Variants in HSF1 observed in about 807,000 individuals in gnomAD.
HSF1 encodes heat shock factor protein 1.
Under a neutral mutation model 51.7 loss-of-function variants are expected in HSF1, and 32 were observed. The ratio of observed to expected loss-of-function variants is 0.62; its 90% CI spans 0.47 to 0.83. The LOEUF (loss-of-function observed/expected upper bound fraction) is 0.83. Among genes scored for constraint, HSF1 ranks in the 40% least tolerant of loss-of-function variants. HSF1 has a pLI of 0.00. For synonymous variants in HSF1, 396 were observed against 309.7 expected, an observed-to-expected ratio of 1.28 and a Z score of -2.92; for missense variants, 727 against 717.0, an observed-to-expected ratio of 1.01 and a Z score of -0.16.
intron 3 of HSF1, 44 bp downstream of exon 3, chr8:144,309,635 G>A (rs781995574): frequency 6.2e-7 from 1 of 1,607,660 alleles, no homozygotes. Flanking sequence ...ACCTGCCACA[G>A]CTCTCCCCGC....
chr8:144,309,639 T>TCC, intron 3 of HSF1, 48 bp downstream of exon 3: 37 of 1,561,956 alleles, frequency 2.4e-5, no homozygotes, highest in Non-Finnish European at 3.1e-5. Flanking sequence ...GCCACAGCTC[T>TCC]CCCCGCCCGC....
chr8:144,309,900 G>A lies in HSF1; in HGVS notation c.488+4G>A. On this transcript the variant is annotated splice_donor_region_variant and intron_variant, in intron 4 of 12. Coordinates refer to ENST00000528838, the MANE Select transcript of HSF1 (RefSeq NM_005526.4). ...CCAAGCTCCTGGCCATGAAGCAGTA[G>A]GTCCCACACCAGCATTATGGGCCAC... 1 of 1,613,268 alleles carries A rather than the reference G, an allele frequency of 6.2e-7. No homozygotes were observed. Among genetic ancestry groups the A allele is most frequent in the Non-Finnish European group, 8.5e-7 (1 of 1,179,726 alleles).
At chr8:144,308,003 C>T (rs1162227671) in intron 1 of HSF1, among the ~76,000 whole-genome samples, 1 of 152,228 alleles carries the variant, frequency 6.6e-6, no homozygotes, top group African/African-American at 2.4e-5. Context: ...TATTTCACAT[C>T]TCTCTATGCT....
Position 144,312,185 on chromosome 8 carries a change from T to TGCCCCCCCCCCCCCCCC in HSF1, c.1083_1084insGCCCCCCCCCCCCCCCC (p.Pro362AlafsTer21). The TGCCCCCCCCCCCCCCCC allele has an allele frequency of 2.0e-6, 3 of 1,532,930 alleles. No homozygotes were observed. Among genetic ancestry groups the TGCCCCCCCCCCCCCCCC allele is most frequent in the East Asian group, 2.3e-5 (1 of 43,576 alleles). 95.0% of individuals were successfully genotyped at this position (1,532,930 alleles called of 1,614,324 possible). A position where few individuals can be genotyped will look rare whatever the true frequency, so the allele number is the denominator to read the frequency against. On this transcript the variant is annotated frameshift_variant, in exon 9 of 13. Coordinates refer to ENST00000528838, the MANE Select transcript of HSF1 (RefSeq NM_005526.4). LOFTEE classifies it high-confidence loss of function. ...GCCACACGGACACCGAGGGCCGGCC[T>TGCCCCCCCCCCCCCCCC]CCCTCCCCCCCGCCCACCTCCACCC...
At chr8:144,309,143 G>A (rs999827238) in intron 2 of HSF1, 129 bp downstream of exon 2, 1 of 778,642 alleles carries the variant, frequency 1.3e-6, no homozygotes, top group Non-Finnish European at 2.1e-6. Flanking sequence ...GTGGGACCCT[G>A]CAAGCCTGGG....
rs1400998818 is a variant in HSF1, at chr8:144,313,246, T to C, written c.1143-265T>C. 5 of 497,878 alleles carry C rather than the reference T, an allele frequency of 1.0e-5. No homozygotes were observed. The South Asian group carries it at 1.2e-4, about 12-fold the overall frequency. The allele number at this position is 497,878 out of a possible 1,614,324, so 30.8% of individuals were successfully genotyped here. A position where few individuals can be genotyped will look rare whatever the true frequency, so the allele number is the denominator to read the frequency against. ...CTTGTGCTGGAGCTGAATACGCCCC[T>C]TGTCTCCTGGGTCCACTGCCACCAA... On this transcript the variant is annotated intron_variant, in intron 9 of 12. Coordinates refer to ENST00000528838, the MANE Select transcript of HSF1 (RefSeq NM_005526.4).
chr8:144,304,962 T>TA (rs1298179715), intron 1 of HSF1, among the ~76,000 whole-genome samples: 3 of 151,172 alleles, frequency 2.0e-5, no homozygotes, highest in Non-Finnish European at 3.0e-5. Flanking sequence ...TTTTTTTTTT[T>TA]ATTGAGACAG....
intron 1 of HSF1, among the ~76,000 whole-genome samples, chr8:144,296,959 A>G (rs1434613648): frequency 6.6e-6 from 1 of 151,896 alleles, no homozygotes; most frequent in Non-Finnish European, 1.5e-5. Context: ...GGCCCAGGGC[A>G]CAGAAGGGCT....
chr8:144,313,289 G>T, intron 9 of HSF1: 2 of 537,028 alleles, frequency 3.7e-6, no homozygotes, highest in Non-Finnish European at 6.7e-6. Context: ...AGGCCCTCAT[G>T]GCAAAGGGAT....
Position 144,304,264 on chromosome 8 carries a change from C to G in HSF1, c.118-4642C>G, listed in dbSNP as rs180915364. ...GATGCCACCAGGCTTAATGTTCGTA[C>G]CAGGTGTCAGTAGATTTTACTCCGT... On this transcript the variant is annotated intron_variant, in intron 1 of 12. Coordinates refer to ENST00000528838, the MANE Select transcript of HSF1 (RefSeq NM_005526.4). Among the ~76,000 whole-genome samples the G allele has an allele frequency of 1.7e-3, 263 of 152,138 alleles. 2 individuals carry two copies. The highest frequency in any genetic ancestry group is 3.0e-3 in the Non-Finnish European group (203 of 68,016).
In HSF1 at chr8:144,297,461, A is replaced by G. The variant is rs1815546075; in HGVS notation, c.117+5587A>G. Among the ~76,000 whole-genome samples, 1 of 152,200 alleles carries G rather than the reference A, an allele frequency of 6.6e-6. No homozygotes were observed. The highest frequency in any genetic ancestry group is 2.1e-4 in the South Asian group (1 of 4,834). On this transcript the variant is annotated intron_variant, in intron 1 of 12. Coordinates refer to ENST00000528838, the MANE Select transcript of HSF1 (RefSeq NM_005526.4). This position sits in a 1 kb window ranked among gnomAD's most constrained non-coding sequence, Gnocchi z 4.6. ...CCTTGTGTGGCGAGAACACGCTGGA[A>G]GCTCCTCCAGAGCGGAAACAAGAAG...
At chr8:144,312,311 A>C in intron 9 of HSF1, 67 bp downstream of exon 9, 1 of 1,178,152 alleles carries the variant, frequency 8.5e-7, no homozygotes, top group South Asian at 1.4e-5. Flanking sequence ...TTCAGCCCCG[A>C]CTGTCCCAGT....
intron 1 of HSF1, among the ~76,000 whole-genome samples, chr8:144,304,703 G>A (rs887433182): frequency 8.5e-5 from 13 of 152,162 alleles, no homozygotes; most frequent in East Asian, 5.8e-4. Flanking sequence ...CTAGAGGGCA[G>A]TGGCACGATC....
chr8:144,296,645 A>C (rs1815481144), intron 1 of HSF1, among the ~76,000 whole-genome samples: 1 of 152,082 alleles, frequency 6.6e-6, no homozygotes, highest in South Asian at 2.1e-4. Flanking sequence ...TCTATATTAA[A>C]AAATACAAAA....
At chr8:144,309,227 C>T (rs954070907) in intron 2 of HSF1, 11 of 668,434 alleles carry the variant, frequency 1.6e-5, no homozygotes, top group African/African-American at 9.1e-5. Context: ...ATGGAAGAAC[C>T]GTGAAGCCGG....
chr8:144,313,923 GGC>G lies in HSF1; in HGVS notation c.1314+14_1314+15del. The G allele has an allele frequency of 6.2e-7, 1 of 1,610,018 alleles. No homozygotes were observed. The highest frequency in any genetic ancestry group is 8.5e-7 in the Non-Finnish European group (1 of 1,179,234). ...GCAGCCTGGCCAGTGTGCGTAGGCG[GGC>G]GGGGGGTGAGGGGGAACGAGACCAG... On this transcript the variant is annotated intron_variant, in intron 11 of 12. Transcript: ENST00000528838.
chr8:144,313,062 G>T, intron 9 of HSF1: 1 of 442,012 alleles, frequency 2.3e-6, no homozygotes, highest in Non-Finnish European at 4.2e-6. Flanking sequence ...TGTGCCCTGT[G>T]GCCTAGGGCT....
In HSF1 at chr8:144,291,857, C is replaced by G. The variant is rs1164785578; in HGVS notation, c.100C>G (p.Leu34Val). 1 of 1,542,818 alleles carries G rather than the reference C, an allele frequency of 6.5e-7. No individual in the cohort carries two copies. The highest frequency in any genetic ancestry group is 8.7e-7 in the Non-Finnish European group (1 of 1,150,090). Reference protein sequence around the residue: ...TLVSDPDTDALICWSPSGNSF... With the variant: ...TLVSDPDTDAVICWSPSGNSF... Reference sequence around the variant, plus strand: ...CGTGAGCGACCCGGACACCGACGCGCTCATCTGCTGGAGCCCGGTGAGGGC... The same window carrying G: ...CGTGAGCGACCCGGACACCGACGCGGTCATCTGCTGGAGCCCGGTGAGGGC... Residue 34 changes from leucine to valine, a missense_variant, in exon 1 of 13, where the codon CTC (leucine) becomes GTC (valine). Leu to Val is a conservative substitution (Grantham distance 32, BLOSUM62 1). Transcript: ENST00000528838. This position sits in a 1 kb window ranked among gnomAD's most constrained non-coding sequence, Gnocchi z 4.1.
chr8:144,296,573 C>T (rs1476671808), intron 1 of HSF1, among the ~76,000 whole-genome samples: 1 of 152,044 alleles, frequency 6.6e-6, no homozygotes, highest in African/African-American at 2.4e-5. Flanking sequence ...CTGAGGTGGG[C>T]GGATCACGAG....
Sources: gnomAD v4.1 joint callset for allele counts (sites outside exome capture counted in the v4.1 genomes callset) on GRCh38, gnomAD v4.1.1 for gene constraint, Gnocchi (gnomAD v3.1) non-coding constraint, MANE v1.5 for transcripts, NCBI Gene and HGNC (gene_info 2026-07-23, HGNC 2026-07-21) for gene names.